CD226: variants seen among roughly 807,000 people sequenced by gnomAD.
CD226 encodes the protein CD226 molecule.
CD226 carries 24 observed loss-of-function variants against 34.9 expected under a neutral mutation model. The observed-to-expected ratio is 0.69, with a 90% CI of 0.50 to 0.97. The LOEUF is 0.97. CD226 is among the 50% of genes least tolerant of loss of function. CD226 has a pLI of 0.00. For synonymous variants in CD226, 148 were observed against 147.4 expected (o/e 1.00, Z -0.03); for missense variants, 397 against 412.7 (o/e 0.96, Z 0.33).
At position 69,854,351 on chromosome 18, in the gene CD226, T is replaced by C. The variant is rs964501073; in HGVS notation, c.*9963A>G. On this transcript the variant is annotated 3_prime_UTR_variant, in exon 6 of 6. Transcript: ENST00000582621. ...GCCTTTATATGGTAAGTTGGGTGAA[T>C]TGCTGGCATCTGTTTGTGGACTGGT... The C allele has an allele frequency of 2.6e-5, 4 of 152,354 alleles. No individual in the cohort carries two copies. The highest frequency in any genetic ancestry group is 2.9e-5 in the Non-Finnish European group (2 of 68,076). 9.4% of individuals were successfully genotyped at this position (152,354 alleles called of 1,614,324 possible). A position where few individuals can be genotyped will look rare whatever the true frequency, so the allele number is the denominator to read the frequency against.
intron 2 of CD226, among the ~76,000 whole-genome samples, chr18:69,898,281 G>A (rs573039897): frequency 3.9e-5 from 6 of 152,264 alleles, no homozygotes; most frequent in East Asian, 3.9e-4. Flanking sequence ...GCGTGAATGC[G>A]TGTCCTCAGT....
At chr18:69,959,456 C>G (rs1029031785), upstream of CD226, among the ~76,000 whole-genome samples, 13 of 152,190 alleles carry the variant, frequency 8.5e-5, no homozygotes, top group African/African-American at 3.1e-4. Flanking sequence ...TCCCTAGTTG[C>G]AGCATCGCAT....
In CD226 at chr18:69,901,751, T is replaced by C. The variant is rs538608546; in HGVS notation, c.383-5706A>G. ...AAAATTAGCCGGGCGTGGTGGCAGGTGCCTGTAGTCCCAGCTACTCAGGAG... is the reference window on the plus strand; with the variant it reads ...AAAATTAGCCGGGCGTGGTGGCAGGCGCCTGTAGTCCCAGCTACTCAGGAG... On this transcript the variant is annotated intron_variant, in intron 2 of 5. Coordinates refer to ENST00000582621, the MANE Select transcript of CD226 (RefSeq NM_001303618.2). Among the ~76,000 whole-genome samples the C allele has an allele frequency of 4.5e-3, 689 of 151,780 alleles. 6 individuals carry two copies. The highest frequency in any genetic ancestry group is 0.028 in the South Asian group (136 of 4,796).
intron 4 of CD226, among the ~76,000 whole-genome samples, chr18:69,868,400 A>G (rs958755898): frequency 3.3e-5 from 5 of 152,186 alleles, no homozygotes; most frequent in African/African-American, 4.8e-5. Flanking sequence ...CTCCAGGGAA[A>G]GGTTATGCAG....
At chr18:69,912,152 A>C (rs2055333869) in intron 2 of CD226, among the ~76,000 whole-genome samples, 1 of 152,214 alleles carries the variant, frequency 6.6e-6, no homozygotes, top group Non-Finnish European at 1.5e-5. Flanking sequence ...AATTAATTCA[A>C]GATGGATTAA....
intron 3 of CD226, among the ~76,000 whole-genome samples, chr18:69,880,863 C>A (rs532922776): frequency 6.6e-6 from 1 of 152,220 alleles, no homozygotes; most frequent in East Asian, 1.9e-4. Flanking sequence ...GTTGGCCATG[C>A]TGGTCTCGAA....
upstream of CD226, among the ~76,000 whole-genome samples, chr18:69,949,832 G>A (rs369203625): frequency 2.7e-5 from 4 of 147,634 alleles, no homozygotes; most frequent in Non-Finnish European, 6.0e-5. Context: ...TCACATCCAC[G>A]CACACTCACA....
chr18:69,858,733 T>TTTTTTTTTTTTTTG lies in CD226; in HGVS notation c.*5580_*5581insCAAAAAAAAAAAAA, dbSNP rs1982687131. 1 of 126,334 alleles carries TTTTTTTTTTTTTTG rather than the reference T, an allele frequency of 7.9e-6. No individual in the cohort carries two copies. The highest frequency in any genetic ancestry group is 1.7e-5 in the Non-Finnish European group (1 of 59,678). 7.8% of individuals were successfully genotyped at this position (126,334 alleles called of 1,614,324 possible). On this transcript the variant is annotated 3_prime_UTR_variant, in exon 6 of 6. Transcript: ENST00000582621. ...AAATACTTAACTTTTTTTTTTTTTT[T>TTTTTTTTTTTTTTG]TTTTTTTTTTTTTTGAGACGGAGTC...
At chr18:69,902,260 C>T (rs1409580262) in intron 2 of CD226, among the ~76,000 whole-genome samples, 2 of 152,126 alleles carry the variant, frequency 1.3e-5, no homozygotes, top group Non-Finnish European at 2.9e-5. Flanking sequence ...CAACTTTGGA[C>T]CTTTTGGCGC....
intron 2 of CD226, among the ~76,000 whole-genome samples, chr18:69,927,088 A>C (rs1452655773): frequency 6.6e-6 from 1 of 152,146 alleles, no homozygotes; most frequent in Non-Finnish European, 1.5e-5. Context: ...GCTTTTGGGG[A>C]CATCATTAAG....
At chr18:69,939,422 G>A (rs561859964) in intron 2 of CD226, among the ~76,000 whole-genome samples, 61 of 152,182 alleles carry the variant, frequency 4.0e-4, no homozygotes, top group African/African-American at 1.4e-3. Context: ...CATCCATGTC[G>A]GTGAGCAAGT....
chr18:69,869,799 C>CT (rs1002754140), intron 4 of CD226, among the ~76,000 whole-genome samples: 2,900 of 121,660 alleles, frequency 0.024, 76 homozygotes, highest in East Asian at 0.075. Context: ...TCTTTTTTTT[C>CT]TTTTTTTTTT....
At chr18:69,892,613 T>C (rs1984970663) in intron 3 of CD226, among the ~76,000 whole-genome samples, 1 of 152,236 alleles carries the variant, frequency 6.6e-6, no homozygotes, top group Admixed American at 6.5e-5. Flanking sequence ...TTCTTGCTTC[T>C]GCCATTTTCT....
chr18:69,933,159 C>T (rs1050494245), intron 2 of CD226, among the ~76,000 whole-genome samples: 1 of 152,172 alleles, frequency 6.6e-6, no homozygotes. Flanking sequence ...TGCCTCCTAT[C>T]TTTCTGCCTT....
rs1217596104 is a variant in CD226 at position 69,874,174 on chromosome 18, G to A, written c.728-928C>T. Reference sequence around the variant, plus strand: ...GTGTCTCTTCATTTGTCAACTGATGGCAATGGCAGCAGCCCTAATTACATC... The same window carrying A: ...GTGTCTCTTCATTTGTCAACTGATGACAATGGCAGCAGCCCTAATTACATC... On this transcript the variant is annotated intron_variant, in intron 3 of 5. Transcript: ENST00000582621. Among the ~76,000 whole-genome samples, 4 of 152,148 alleles carry A rather than the reference G, an allele frequency of 2.6e-5. No individual in the cohort carries two copies. The East Asian group carries it at 5.8e-4, about 22-fold the overall frequency.
At chr18:69,867,508 G>A (rs1327858267) in intron 4 of CD226, 97 bp from the exon 5 acceptor site, 3 of 752,120 alleles carry the variant, frequency 4.0e-6, no homozygotes, top group Non-Finnish European at 6.9e-6. Context: ...TAGCCCACAT[G>A]CACCTTCTAA....
At chr18:69,958,340 C>G (rs945586886), upstream of CD226, among the ~76,000 whole-genome samples, 2 of 152,160 alleles carry the variant, frequency 1.3e-5, no homozygotes, top group Admixed American at 6.5e-5. Context: ...TGACTTCCAT[C>G]TGTAAGGTTT....
upstream of CD226, among the ~76,000 whole-genome samples, chr18:69,950,525 C>G (rs567626518): frequency 6.6e-6 from 1 of 152,006 alleles, no homozygotes; most frequent in Non-Finnish European, 1.5e-5. Context: ...GGTTGGTGGT[C>G]GGGAAAGGCT....
chr18:69,921,368 T>C (rs1169319551), intron 2 of CD226, among the ~76,000 whole-genome samples: 3 of 152,162 alleles, frequency 2.0e-5, no homozygotes, highest in Non-Finnish European at 4.4e-5. Context: ...CATGGGATCA[T>C]CTGGGAAGCT....
Sources: allele counts gnomAD v4.1 joint callset (sites outside exome capture counted in the v4.1 genomes callset), GRCh38; gene constraint gnomAD v4.1.1; transcripts MANE v1.5; gene names NCBI Gene and HGNC (gene_info 2026-07-23, HGNC 2026-07-21).